RIMS3: variants seen among roughly 807,000 people sequenced by gnomAD.
The protein encoded by RIMS3 is regulating synaptic membrane exocytosis protein 3.
A neutral mutation model predicts 29.2 loss-of-function variants in RIMS3; 15 were observed. The ratio of observed to expected loss-of-function variants is 0.51; its 90% CI spans 0.34 to 0.79. The LOEUF (loss-of-function observed/expected upper bound fraction) is 0.79, where lower values mean the gene tolerates loss of function less well. RIMS3 is among the 30% of genes least tolerant of loss of function. The pLI is 0.01. For missense variants in RIMS3, 342 were observed against 421.4 expected (o/e 0.81, Z 1.65); for synonymous variants, 161 against 170.1 (o/e 0.95, Z 0.41).
In RIMS3 at chr1:40,654,428, G is replaced by T. The variant is rs945158741; in HGVS notation, c.-206-6586C>A. 6.6e-6 allele frequency among the ~76,000 whole-genome samples: 1 copy of T among 152,110 alleles called. No homozygotes were observed. The highest frequency in any genetic ancestry group is 2.4e-5 in the African/African-American group (1 of 41,398). ...CCCGCACGCAAGCCATACACCTCCG[G>T]TTGGCCACTCCGACGCGCCACAGAG... On this transcript the variant is annotated intron_variant, in intron 1 of 7. Transcript: ENST00000372684. The surrounding 1 kb of genome is among the most constrained non-coding windows in gnomAD (Gnocchi z 5.3).
the RIMS3 span, among the ~76,000 whole-genome samples, chr1:40,672,817 T>C: frequency 6.6e-6 from 1 of 150,376 alleles, no homozygotes; most frequent in African/African-American, 2.5e-5. Context: ...AGTAAACTGA[T>C]TGTATCACTG....
At chr1:40,655,136 A>G (rs998927239) in intron 1 of RIMS3, among the ~76,000 whole-genome samples, 2 of 152,190 alleles carry the variant, frequency 1.3e-5, no homozygotes, top group African/African-American at 4.8e-5. Context: ...CAGTCAGCAC[A>G]AAGCGGTGGA....
the RIMS3 span, among the ~76,000 whole-genome samples, chr1:40,686,530 G>A: frequency 6.6e-6 from 1 of 152,116 alleles, no homozygotes; most frequent in South Asian, 2.1e-4. Flanking sequence ...GGTCGCTGGT[G>A]CCTGTAGTCC....
Position 40,623,338 on chromosome 1 carries a change from T to C in RIMS3, c.*3179A>G. On this transcript the variant is annotated 3_prime_UTR_variant, in exon 8 of 8. Transcript: ENST00000372684. ...GCTCCATTTACTGGAGCCTTTTTCA[T>C]ACCAAAAACCCATTGCAGGGAAAAG... 2.5e-6 allele frequency: 1 copy of C among 398,496 alleles called. No individual in the cohort carries two copies. The highest frequency in any genetic ancestry group is 6.3e-4 in the Middle Eastern group (1 of 1,586). 24.7% of individuals were successfully genotyped at this position (398,496 alleles called of 1,614,324 possible). A position where few individuals can be genotyped will look rare whatever the true frequency, so the allele number is the denominator to read the frequency against.
chr1:40,685,652 A>T, the RIMS3 span, among the ~76,000 whole-genome samples: 2 of 151,974 alleles, frequency 1.3e-5, no homozygotes, highest in Non-Finnish European at 2.9e-5. Context: ...TGAGCAGCGT[A>T]TGGGAAGTAA....
chr1:40,667,005 A>T (rs1018442584), upstream of RIMS3, among the ~76,000 whole-genome samples: 7 of 152,114 alleles, frequency 4.6e-5, no homozygotes, highest in African/African-American at 1.7e-4. Flanking sequence ...AGCCTGAGTG[A>T]CAGGGGGAAC....
At chr1:40,639,642 G>C (rs1646543082) in intron 3 of RIMS3, among the ~76,000 whole-genome samples, 1 of 152,204 alleles carries the variant, frequency 6.6e-6, no homozygotes, top group Non-Finnish European at 1.5e-5. Context: ...AGCAGGCTCA[G>C]AGAGGTGAAG....
In RIMS3 at chr1:40,626,584, AGT is replaced by A; in HGVS notation, c.858_859del (p.Leu287ArgfsTer47). The A allele has an allele frequency of 6.2e-7, 1 of 1,614,002 alleles. No individual in the cohort carries two copies. Among genetic ancestry groups the A allele is most frequent in the Non-Finnish European group, 8.5e-7 (1 of 1,179,988 alleles). On this transcript the variant is annotated frameshift_variant, in exon 8 of 8. Coordinates refer to ENST00000372684, the MANE Select transcript of RIMS3 (RefSeq NM_014747.3). LOFTEE classifies it high-confidence loss of function. ...GGACAGGCGCCTGGTGAGGGATCCG[AGT>A]GTGGAGTCTGCCACTGAGGAGGTGG...
intron 2 of RIMS3, among the ~76,000 whole-genome samples, chr1:40,642,951 G>A (rs1020537401): frequency 2.3e-4 from 14 of 61,550 alleles, no homozygotes; most frequent in Non-Finnish European, 1.7e-4. Flanking sequence ...CCGAGACTCT[G>A]TCTCAAAAAA....
Position 40,635,998 on chromosome 1 carries a change from C to T in RIMS3, c.277G>A (p.Val93Met). 6.2e-7 allele frequency: 1 copy of T among 1,609,846 alleles called. No individual in the cohort carries two copies. The highest frequency in any genetic ancestry group is 8.5e-7 in the Non-Finnish European group (1 of 1,179,970). The change falls in exon 4 of 8, where the codon GTG becomes ATG. Residue 93 changes from valine to methionine, a missense_variant. Val to Met is a conservative substitution (Grantham distance 21). Transcript: ENST00000372684. This position sits in a 1 kb window ranked among gnomAD's most constrained non-coding sequence, Gnocchi z 4.1. Reference protein sequence around the residue: ...IRRSTETGIAVEMRSRVTRQG... With the variant: ...IRRSTETGIAMEMRSRVTRQG... ...CGTGTGACCCGGCTCCGCATCTCCA[C>T]CGCGATGCCTGTCTCCGTGCTCCGG...
At chr1:40,682,165 T>C in the RIMS3 span, among the ~76,000 whole-genome samples, 24 of 152,228 alleles carry the variant, frequency 1.6e-4, no homozygotes, top group Non-Finnish European at 3.5e-4. Context: ...CATTATATTA[T>C]GGAATGTCTA....
At chr1:40,655,157 A>G (rs1275064548) in intron 1 of RIMS3, among the ~76,000 whole-genome samples, 1 of 152,086 alleles carries the variant, frequency 6.6e-6, no homozygotes, top group Non-Finnish European at 1.5e-5. Flanking sequence ...CAAAGCGGGG[A>G]GTAGGGGAAG....
chr1:40,664,282 C>T (rs1039831642), intron 1 of RIMS3, among the ~76,000 whole-genome samples: 14 of 151,418 alleles, frequency 9.2e-5, no homozygotes, highest in Middle Eastern at 3.2e-3. Flanking sequence ...CCCCATTAGG[C>T]TACCCACATG....
intron 1 of RIMS3, among the ~76,000 whole-genome samples, chr1:40,660,378 CTTT>C (rs535968581): frequency 1.5e-4 from 20 of 135,132 alleles, no homozygotes; most frequent in Admixed American, 2.2e-4. Flanking sequence ...GTTGGGGCTT[CTTT>C]TTTTTTTTTT....
rs147181225 is a variant in RIMS3 at position 40,657,075 on chromosome 1, G to A, written c.-207+8319C>T. On this transcript the variant is annotated intron_variant, in intron 1 of 7. Transcript: ENST00000372684. ...CTTGGTCCTTTCCTATTCACAAATT[G>A]TCATAACGGCCACCATCTAATATGA... 1.0e-3 allele frequency among the ~76,000 whole-genome samples: 157 copies of A among 152,280 alleles called. 3 individuals are homozygous for A. Among genetic ancestry groups the A allele is most frequent in the African/African-American group, 3.4e-3 (143 of 41,540 alleles).
chr1:40,635,829 C>T lies in RIMS3; in HGVS notation c.359+87G>A, dbSNP rs1419404425. 1.9e-6 allele frequency: 3 copies of T among 1,543,738 alleles called. No homozygotes were observed. Among genetic ancestry groups the T allele is most frequent in the Admixed American group, 3.5e-5 (2 of 56,548 alleles). On this transcript the variant is annotated intron_variant, in intron 4 of 7. Coordinates refer to ENST00000372684, the MANE Select transcript of RIMS3 (RefSeq NM_014747.3). The surrounding 1 kb of genome is among the most constrained non-coding windows in gnomAD (Gnocchi z 4.1). ...CCAGACATTTTAGCTGGAAACAAAACAGGGAGGCTTTCCCACCCTGCCCAG... is the reference window on the plus strand; with the variant it reads ...CCAGACATTTTAGCTGGAAACAAAATAGGGAGGCTTTCCCACCCTGCCCAG...
intron 2 of RIMS3, among the ~76,000 whole-genome samples, chr1:40,645,830 G>A (rs1400729950): frequency 6.6e-6 from 1 of 152,174 alleles, no homozygotes; most frequent in Non-Finnish European, 1.5e-5. Context: ...TGGCATCAAG[G>A]TCTCTGCACC....
chr1:40,676,750 C>T, the RIMS3 span, among the ~76,000 whole-genome samples: 2 of 152,300 alleles, frequency 1.3e-5, no homozygotes, highest in East Asian at 3.9e-4. Context: ...CTTCATCCTC[C>T]TAAGCTAACA....
At chr1:40,660,161 G>C (rs1242594781) in intron 1 of RIMS3, among the ~76,000 whole-genome samples, 1 of 152,130 alleles carries the variant, frequency 6.6e-6, no homozygotes, top group African/African-American at 2.4e-5. Flanking sequence ...GGTTATAGGG[G>C]TGTGGGACGG....
Sources: gnomAD v4.1 joint callset for allele counts (sites outside exome capture counted in the v4.1 genomes callset) on GRCh38, gnomAD v4.1.1 for gene constraint, Gnocchi (gnomAD v3.1) non-coding constraint, MANE v1.5 for transcripts, NCBI Gene and HGNC (gene_info 2026-07-23, HGNC 2026-07-21) for gene names.